The following GPC6 variants were observed in gnomAD, a reference collection of about 807,000 sequenced individuals.
GPC6 encodes glypican 6.
A neutral mutation model predicts 55.2 loss-of-function variants in GPC6; 14 were observed. The observed-to-expected ratio is 0.25, with a 90% CI of 0.17 to 0.40. The LOEUF (loss-of-function observed/expected upper bound fraction) is 0.40, where lower values mean the gene tolerates loss of function less well. Ranked by LOEUF, GPC6 falls within the 10% of genes least tolerant of loss-of-function variation. The pLI is 1.00. For synonymous variants in GPC6, 278 were observed against 259.6 expected (o/e 1.07, Z -0.68); for missense variants, 641 against 708.5 (o/e 0.90, Z 1.08).
intron 2 of GPC6, among the ~76,000 whole-genome samples, chr13:93,603,851 GAGA>G (rs1421719376): frequency 3.9e-4 from 59 of 152,314 alleles, no homozygotes; most frequent in African/African-American, 1.7e-4. Context: ...CAGGTGAAGT[GAGA>G]AGAAGAATGC....
chr13:93,666,076 G>A (rs535811271), intron 2 of GPC6, among the ~76,000 whole-genome samples: 2 of 152,154 alleles, frequency 1.3e-5, no homozygotes, highest in South Asian at 4.1e-4. Flanking sequence ...ATTGTTGAAT[G>A]AACTGAAGCT....
At chr13:93,306,913 A>C (rs1389176398) in intron 1 of GPC6, among the ~76,000 whole-genome samples, 2 of 152,138 alleles carry the variant, frequency 1.3e-5, no homozygotes, top group Admixed American at 1.3e-4. Context: ...CGGTTCCAAT[A>C]GGGTAGGGAG....
chr13:94,000,339 G>A (rs990847117), intron 3 of GPC6, among the ~76,000 whole-genome samples: 10 of 152,154 alleles, frequency 6.6e-5, no homozygotes, highest in African/African-American at 2.2e-4. Context: ...TCTGGCATGT[G>A]TGTTGTTATA....
intron 6 of GPC6, among the ~76,000 whole-genome samples, chr13:94,365,800 G>A (rs1342153175): frequency 6.6e-6 from 1 of 152,198 alleles, no homozygotes; most frequent in Non-Finnish European, 1.5e-5. Context: ...TCTTGGGTGA[G>A]CAAAAGGTGT....
At chr13:94,272,812 A>T (rs963328159) in intron 4 of GPC6, among the ~76,000 whole-genome samples, 1 of 151,946 alleles carries the variant, frequency 6.6e-6, no homozygotes, top group Admixed American at 6.6e-5. Flanking sequence ...GTAGAGAAGG[A>T]GGCAGCGTGA....
At chr13:93,368,377 C>G (rs1398643073) in intron 1 of GPC6, among the ~76,000 whole-genome samples, 1 of 133,942 alleles carries the variant, frequency 7.5e-6, no homozygotes, top group Non-Finnish European at 1.7e-5. Context: ...TCCTTCCTTC[C>G]TTCCTTCCTT....
At chr13:93,851,497 T>C (rs188760158) in intron 3 of GPC6, among the ~76,000 whole-genome samples, 1 of 151,870 alleles carries the variant, frequency 6.6e-6, no homozygotes, top group African/African-American at 2.4e-5. Flanking sequence ...ACAAATGAAG[T>C]CAGCTAGGAG....
chr13:93,224,233 T>G (rs182920740), upstream of GPC6, among the ~76,000 whole-genome samples: 9 of 144,368 alleles, frequency 6.2e-5, no homozygotes, highest in East Asian at 1.9e-3. Flanking sequence ...TCTTTCTTGT[T>G]GCCCAGTCTG....
chr13:93,901,899 A>T (rs1311828810), intron 3 of GPC6, among the ~76,000 whole-genome samples: 1 of 64,068 alleles, frequency 1.6e-5, no homozygotes, highest in Admixed American at 1.6e-4. Context: ...AGATTCCATT[A>T]AAAAAAAAAA....
chr13:93,859,678 A>G (rs1888745854), intron 3 of GPC6, among the ~76,000 whole-genome samples: 1 of 144,772 alleles, frequency 6.9e-6, no homozygotes, highest in Non-Finnish European at 1.5e-5. Flanking sequence ...CGGGGAGCAC[A>G]ATTCAAGTCT....
At chr13:93,504,482 G>GTT (rs55771607) in intron 1 of GPC6, among the ~76,000 whole-genome samples, 63,071 of 129,688 alleles carry the variant, frequency 0.49, 16,112 homozygotes, top group East Asian at 0.96. Context: ...AAACAACATA[G>GTT]TTTTTTTTTT....
At chr13:93,591,149 T>C (rs952149070) in intron 2 of GPC6, among the ~76,000 whole-genome samples, 1 of 61,862 alleles carries the variant, frequency 1.6e-5, no homozygotes. Context: ...AATTTTCTAA[T>C]AAAGCAAAAG....
At chr13:94,052,611 C>T (rs1361600773) in intron 4 of GPC6, among the ~76,000 whole-genome samples, 1 of 152,142 alleles carries the variant, frequency 6.6e-6, no homozygotes, top group African/African-American at 2.4e-5. Flanking sequence ...AATGTTATAT[C>T]CCTCAGTTTA....
chr13:94,393,793 T>C (rs1356142125), intron 7 of GPC6, among the ~76,000 whole-genome samples: 1 of 152,204 alleles, frequency 6.6e-6, no homozygotes, highest in Non-Finnish European at 1.5e-5. Context: ...GAGAGTCATG[T>C]GACCTACTCC....
At chr13:94,389,508 T>A (rs562465677) in intron 7 of GPC6, among the ~76,000 whole-genome samples, 1 of 152,276 alleles carries the variant, frequency 6.6e-6, no homozygotes, top group South Asian at 2.1e-4. Flanking sequence ...AAATAGGCCC[T>A]TACCTTTTTG....
chr13:94,166,168 C>T (rs543741927), intron 4 of GPC6, among the ~76,000 whole-genome samples: 5 of 152,272 alleles, frequency 3.3e-5, no homozygotes, highest in African/African-American at 1.2e-4. Flanking sequence ...CCTTGGTTAT[C>T]GTCATCCCAT....
chr13:93,768,525 T>C (rs1885193423), intron 2 of GPC6, among the ~76,000 whole-genome samples: 3 of 152,238 alleles, frequency 2.0e-5, no homozygotes, highest in South Asian at 2.1e-4. Flanking sequence ...AAATATGGGT[T>C]GAATGAATGA....
At chr13:93,409,047 TAG>T in intron 1 of GPC6, among the ~76,000 whole-genome samples, 1 of 152,056 alleles carries the variant, frequency 6.6e-6, no homozygotes, top group Non-Finnish European at 1.5e-5. Context: ...GCTTACTAGT[TAG>T]AGAGTTCGTC....
chr13:94,035,543 C>A (rs1883303637), intron 4 of GPC6, among the ~76,000 whole-genome samples: 1 of 152,038 alleles, frequency 6.6e-6, no homozygotes. Context: ...CCCACGGCCA[C>A]CATAACCAGA....
Sources: gnomAD v4.1 joint callset for allele counts (sites outside exome capture counted in the v4.1 genomes callset) on GRCh38, gnomAD v4.1.1 for gene constraint, MANE v1.5 for transcripts, NCBI Gene and HGNC (gene_info 2026-07-23, HGNC 2026-07-21) for gene names.